The following RAB27B variants were observed in gnomAD, a reference collection of about 807,000 sequenced individuals.
The protein encoded by RAB27B is ras-related protein Rab-27B.
A neutral mutation model predicts 24.6 loss-of-function variants in RAB27B; 15 were observed. The ratio of observed to expected loss-of-function variants is 0.61; its 90% CI spans 0.41 to 0.94. The LOEUF is 0.94. Among genes scored for constraint, RAB27B ranks in the 40% least tolerant of loss-of-function variants. The probability of loss-of-function intolerance (pLI) is 0.00; values close to 1 mark genes in which losing one functional copy is unlikely to be tolerated. For missense variants in RAB27B, 261 were observed against 266.8 expected (o/e 0.98, Z 0.15); for synonymous variants, 105 against 92.5 (o/e 1.14, Z -0.78).
At chr18:54,846,359 C>G (rs1911337668) in intron 1 of RAB27B, among the ~76,000 whole-genome samples, 1 of 152,218 alleles carries the variant, frequency 6.6e-6, no homozygotes, top group Non-Finnish European at 1.5e-5. Context: ...CCCATTTCCT[C>G]TAATAACAAT....
chr18:54,889,935 C>T lies in RAB27B; in HGVS notation c.*522C>T, dbSNP rs1913301952. 2 of 152,322 alleles carry T rather than the reference C, an allele frequency of 1.3e-5. No homozygotes were observed. Among genetic ancestry groups the T allele is most frequent in the African/African-American group, 2.4e-5 (1 of 41,420 alleles). The allele number at this position is 152,322 out of a possible 1,614,324, so 9.4% of individuals were successfully genotyped here. A position where few individuals can be genotyped will look rare whatever the true frequency, so the allele number is the denominator to read the frequency against. ...AATTAAGAATGATATACTATGTACA[C>T]CCAATAAGCTGTACTAGAATGAATA... is the stretch of plus-strand genomic sequence containing the variant. On this transcript the variant is annotated 3_prime_UTR_variant, in exon 6 of 6. Coordinates refer to ENST00000262094, the MANE Select transcript of RAB27B (RefSeq NM_004163.4).
intron 1 of RAB27B, among the ~76,000 whole-genome samples, chr18:54,841,044 G>A (rs576653290): frequency 3.3e-4 from 50 of 152,000 alleles, no homozygotes; most frequent in African/African-American, 1.2e-3. Context: ...TATTCAGCAG[G>A]CTGAGGCAGG....
intron 2 of RAB27B, among the ~76,000 whole-genome samples, chr18:54,794,311 G>A (rs1237518965): frequency 6.6e-6 from 1 of 152,086 alleles, no homozygotes; most frequent in Admixed American, 6.6e-5. Flanking sequence ...TGAGTGCTAG[G>A]TGAACACATT....
chr18:54,785,380 G>A (rs1365995098), intron 2 of RAB27B, among the ~76,000 whole-genome samples: 1 of 150,028 alleles, frequency 6.7e-6, no homozygotes, highest in Middle Eastern at 3.5e-3. Flanking sequence ...GGGATTACAG[G>A]CATCAGCCAC....
intron 1 of RAB27B, among the ~76,000 whole-genome samples, chr18:54,833,113 G>A (rs1910752300): frequency 6.6e-6 from 1 of 152,110 alleles, no homozygotes; most frequent in Admixed American, 6.5e-5. Flanking sequence ...AATGCACAGT[G>A]AGCCGAAGCT....
At chr18:54,874,000 G>A (rs1393079220) in intron 1 of RAB27B, among the ~76,000 whole-genome samples, 1 of 152,196 alleles carries the variant, frequency 6.6e-6, no homozygotes, top group Non-Finnish European at 1.5e-5. Context: ...CAGTGGAATT[G>A]ATTTGTGTTA....
chr18:54,742,551 G>A (rs1910101970), intron 2 of RAB27B, among the ~76,000 whole-genome samples: 1 of 152,094 alleles, frequency 6.6e-6, no homozygotes, highest in Admixed American at 6.6e-5. Context: ...CAATAGATTG[G>A]CCTTCATTTC....
rs1156664609 is a variant in RAB27B, at chr18:54,888,033, A to G, written c.382A>G (p.Ile128Val). 4.3e-6 allele frequency: 7 copies of G among 1,612,856 alleles called. No individual in the cohort carries two copies. The Admixed American group carries it at 1.0e-4, about 23-fold the overall frequency. ...QANAYCENPD[I>V]VLIGNKADLP... ...AAATGCTTATTGTGAAAATCCAGAT[A>G]TAGTATTAATTGGCAACAAGGCAGA... is the stretch of plus-strand genomic sequence containing the variant. Residue 128 changes from isoleucine to valine, a missense_variant, in exon 5 of 6, where the codon ATA becomes GTA. Ile to Val is a conservative substitution (Grantham distance 29, BLOSUM62 3). Coordinates refer to ENST00000262094, the MANE Select transcript of RAB27B (RefSeq NM_004163.4).
chr18:54,722,427 T>A (rs1205957532), intron 2 of RAB27B, among the ~76,000 whole-genome samples: 2 of 152,154 alleles, frequency 1.3e-5, no homozygotes, highest in Non-Finnish European at 2.9e-5. Flanking sequence ...CAGGCAATGC[T>A]GTAGTGAGAT....
At chr18:54,834,134 A>G (rs978804526) in intron 1 of RAB27B, among the ~76,000 whole-genome samples, 1 of 152,244 alleles carries the variant, frequency 6.6e-6, no homozygotes, top group East Asian at 1.9e-4. Context: ...TAGTGAAAGT[A>G]TAGTTATAAA....
chr18:54,834,636 G>C (rs1393399653), intron 1 of RAB27B, among the ~76,000 whole-genome samples: 2 of 151,418 alleles, frequency 1.3e-5, no homozygotes, highest in Non-Finnish European at 2.9e-5. Flanking sequence ...ATCTACCTAA[G>C]ATTATCTTTG....
At chr18:54,739,521 A>G (rs1000082116) in intron 2 of RAB27B, among the ~76,000 whole-genome samples, 6 of 149,078 alleles carry the variant, frequency 4.0e-5, no homozygotes, top group African/African-American at 1.5e-4. Flanking sequence ...CTGTTGATGT[A>G]CCCTTAAATT....
chr18:54,879,401 A>C lies in RAB27B; in HGVS notation c.186A>C (p.Ser62=). 6.2e-7 allele frequency: 1 copy of C among 1,612,892 alleles called. No homozygotes were observed. Among genetic ancestry groups the C allele is most frequent in the South Asian group, 1.1e-5 (1 of 91,038 alleles). ...ATGCACAAGGACCGAATGGATCTTC[A>C]GGGAAAGCATTTAAAGTGCATCTTC... ...VYNAQGPNGS[S]GKAFKVHLQL... is the part of the protein sequence containing the mutation. The change falls in exon 3 of 6, where the codon TCA becomes TCC. Residue 62 remains serine, a synonymous_variant. Coordinates refer to ENST00000262094, the MANE Select transcript of RAB27B (RefSeq NM_004163.4).
intron 2 of RAB27B, among the ~76,000 whole-genome samples, chr18:54,762,060 G>T (rs56191276): frequency 0.053 from 8,035 of 152,278 alleles, 268 homozygotes; most frequent in Admixed American, 0.084. Flanking sequence ...CAGAGACAGA[G>T]ATTGGAGTAA....
chr18:54,886,488 T>C (rs544538606), intron 4 of RAB27B, among the ~76,000 whole-genome samples: 1 of 152,286 alleles, frequency 6.6e-6, no homozygotes, highest in East Asian at 1.9e-4. Context: ...AGAACCACTC[T>C]CGGTGTGGGT....
chr18:54,800,974 A>G (rs1299149131), intron 2 of RAB27B, among the ~76,000 whole-genome samples: 1 of 143,124 alleles, frequency 7.0e-6, no homozygotes, highest in East Asian at 2.1e-4. Context: ...TATTTTTTGG[A>G]GTTGTTGAAT....
At chr18:54,841,165 G>T (rs1214785157) in intron 1 of RAB27B, among the ~76,000 whole-genome samples, 2 of 121,480 alleles carry the variant, frequency 1.6e-5, no homozygotes, top group Non-Finnish European at 3.6e-5. Flanking sequence ...GGGGCGGTGG[G>T]GGGTTTGGTG....
chr18:54,745,983 A>G (rs1055652971), intron 2 of RAB27B, among the ~76,000 whole-genome samples: 1 of 152,006 alleles, frequency 6.6e-6, no homozygotes, highest in African/African-American at 2.4e-5. Flanking sequence ...AGCGATGCCA[A>G]TCACAGGATA....
At chr18:54,827,646 A>AT (rs2145177404), upstream of RAB27B, among the ~76,000 whole-genome samples, 1 of 152,326 alleles carries the variant, frequency 6.6e-6, no homozygotes, top group East Asian at 1.9e-4. Flanking sequence ...TCAAGCAGTC[A>AT]TTGGCATCTC....
Sources: gnomAD v4.1 joint callset for allele counts (sites outside exome capture counted in the v4.1 genomes callset) on GRCh38, gnomAD v4.1.1 for gene constraint, MANE v1.5 for transcripts, NCBI Gene and HGNC (gene_info 2026-07-23, HGNC 2026-07-21) for gene names.